The following LRIF1 variants were observed in gnomAD, a reference collection of about 807,000 sequenced individuals.
The protein encoded by LRIF1 is ligand-dependent nuclear receptor-interacting factor 1.
A neutral mutation model predicts 52.7 loss-of-function variants in LRIF1; 32 were observed. The ratio of observed to expected loss-of-function variants is 0.61; its 90% CI spans 0.46 to 0.82. The LOEUF (loss-of-function observed/expected upper bound fraction) is 0.82. Ranked by LOEUF, LRIF1 falls within the 40% of genes least tolerant of loss-of-function variation. The pLI, the probability that LRIF1 is intolerant of heterozygous loss-of-function variation, is 0.00. For missense variants in LRIF1, 887 were observed against 892.0 expected (o/e 0.99, Z 0.07); for synonymous variants, 323 against 317.4 (o/e 1.02, Z -0.19).
chr1:110,924,883 G>C, the LRIF1 span, among the ~76,000 whole-genome samples: 3 of 152,126 alleles, frequency 2.0e-5, no homozygotes, highest in African/African-American at 7.2e-5. Flanking sequence ...TTTTAGGAAT[G>C]CATTAGAAAA....
the LRIF1 span, among the ~76,000 whole-genome samples, chr1:110,902,515 A>AC: frequency 6.7e-6 from 1 of 149,490 alleles, no homozygotes; most frequent in Admixed American, 6.8e-5. Context: ...AAAAAAAAAA[A>AC]AAAAAGAAAT....
rs759921654 is a variant in LRIF1 at position 110,951,279 on chromosome 1, G to C, written c.1596+9C>G. 1 of 1,597,462 alleles carries C rather than the reference G, an allele frequency of 6.3e-7. No individual in the cohort carries two copies. The highest frequency in any genetic ancestry group is 8.5e-7 in the Non-Finnish European group (1 of 1,173,556). Reference sequence around the variant, plus strand: ...ATATAAAAAGAGCACCCTGACATGGGAAAATTACCTTTGGTTCTTGGTCTC... The same window carrying C: ...ATATAAAAAGAGCACCCTGACATGGCAAAATTACCTTTGGTTCTTGGTCTC... On this transcript the variant is annotated intron_variant, in intron 2 of 3. Coordinates refer to ENST00000369763, the MANE Select transcript of LRIF1 (RefSeq NM_018372.4).
At chr1:110,950,918 T>C (rs1214732822) in intron 2 of LRIF1, among the ~76,000 whole-genome samples, 1 of 152,224 alleles carries the variant, frequency 6.6e-6, no homozygotes, top group Non-Finnish European at 1.5e-5. Flanking sequence ...AAGGCTATTA[T>C]ATATGAACAT....
chr1:110,963,137 A>T (rs542111596), intron 1 of LRIF1, among the ~76,000 whole-genome samples: 59 of 152,346 alleles, frequency 3.9e-4, no homozygotes, highest in African/African-American at 1.3e-3. Flanking sequence ...ATTACTTGAA[A>T]TTTTAAATAT....
At chr1:110,961,363 G>A (rs1658940651) in intron 1 of LRIF1, among the ~76,000 whole-genome samples, 2 of 152,238 alleles carry the variant, frequency 1.3e-5, no homozygotes, top group Non-Finnish European at 2.9e-5. Flanking sequence ...TTGATAGTAA[G>A]TGGTAAGCTA....
intron 1 of LRIF1, among the ~76,000 whole-genome samples, chr1:110,958,915 T>G: frequency 6.6e-6 from 1 of 152,254 alleles, no homozygotes; most frequent in East Asian, 1.9e-4. Flanking sequence ...AAAATTAATC[T>G]GCAGAATGCT....
chr1:110,951,908 T>C lies in LRIF1; in HGVS notation c.976A>G (p.Asn326Asp). Residue 326 changes from asparagine to aspartate, a missense_variant, in exon 2 of 4, where the codon AAT (asparagine) becomes GAT (aspartate). By Grantham distance (23) the Asn-to-Asp change is conservative. Transcript: ENST00000369763. ...ATATTTATAGTATTATCTCCCAAAT[T>C]TTTCCTATCTACAAAAGTTTTTAAA... ...KILKTFVDRK[N>D]LGDNTINMPP... 6.2e-7 allele frequency: 1 copy of C among 1,614,066 alleles called. No individual in the cohort carries two copies.
intron 1 of LRIF1, among the ~76,000 whole-genome samples, chr1:110,957,741 G>C (rs974752905): frequency 3.3e-5 from 5 of 152,022 alleles, no homozygotes; most frequent in African/African-American, 1.2e-4. Flanking sequence ...ACATCATATA[G>C]GTTTCAAATC....
the LRIF1 span, among the ~76,000 whole-genome samples, chr1:110,931,137 C>G: frequency 2.0e-5 from 3 of 152,266 alleles, no homozygotes; most frequent in African/African-American, 7.2e-5. Context: ...CTACCCCAGC[C>G]CCCCAACCCC....
intron 1 of LRIF1, among the ~76,000 whole-genome samples, chr1:110,959,970 T>A (rs1003381855): frequency 6.6e-5 from 10 of 152,066 alleles, no homozygotes; most frequent in African/African-American, 2.4e-4. Context: ...ATCTATGACA[T>A]AACATTATAT....
At chr1:110,909,136 G>A in the LRIF1 span, among the ~76,000 whole-genome samples, 3 of 152,006 alleles carry the variant, frequency 2.0e-5, no homozygotes, top group African/African-American at 7.3e-5. Context: ...AGCTTCATAA[G>A]CAAATGAGAA....
chr1:110,883,334 T>G, the LRIF1 span, among the ~76,000 whole-genome samples: 5 of 152,140 alleles, frequency 3.3e-5, no homozygotes, highest in African/African-American at 1.2e-4. Flanking sequence ...TCTCTTTCAA[T>G]TCATTAATAT....
chr1:110,916,328 C>T, the LRIF1 span, among the ~76,000 whole-genome samples: 1 of 151,990 alleles, frequency 6.6e-6, no homozygotes, highest in Non-Finnish European at 1.5e-5. Flanking sequence ...AATTTTATTG[C>T]TGGAAAGAAG....
chr1:110,908,993 G>A, the LRIF1 span, among the ~76,000 whole-genome samples: 27 of 152,096 alleles, frequency 1.8e-4, no homozygotes, highest in East Asian at 4.8e-3. Context: ...AGAGAGAAGG[G>A]GCAGGTCATG....
At chr1:110,908,509 C>G in the LRIF1 span, among the ~76,000 whole-genome samples, 2 of 152,046 alleles carry the variant, frequency 1.3e-5, no homozygotes, top group East Asian at 3.8e-4. Flanking sequence ...TAAAATGGTT[C>G]AAGAGTTGAG....
chr1:110,880,765 G>A, the LRIF1 span, among the ~76,000 whole-genome samples: 16 of 152,288 alleles, frequency 1.1e-4, no homozygotes, highest in East Asian at 3.1e-3. Flanking sequence ...CCCTCAAGGA[G>A]CTCACATTCT....
chr1:110,956,898 A>C (rs1159673943), intron 1 of LRIF1, among the ~76,000 whole-genome samples: 1 of 152,086 alleles, frequency 6.6e-6, no homozygotes, highest in Non-Finnish European at 1.5e-5. Flanking sequence ...CTATTATTCT[A>C]CTAAAACTTC....
At chr1:110,935,490 T>C in the LRIF1 span, among the ~76,000 whole-genome samples, 1 of 152,216 alleles carries the variant, frequency 6.6e-6, no homozygotes, top group Non-Finnish European at 1.5e-5. Context: ...ACAAAGAGAT[T>C]GAAATAATTT....
At chr1:110,894,559 T>G in the LRIF1 span, among the ~76,000 whole-genome samples, 1 of 142,816 alleles carries the variant, frequency 7.0e-6, no homozygotes, top group South Asian at 2.2e-4. Context: ...GGGGGGAAAA[T>G]TTGTATGAAA....
Sources: allele counts gnomAD v4.1 joint callset (sites outside exome capture counted in the v4.1 genomes callset), GRCh38; gene constraint gnomAD v4.1.1; transcripts MANE v1.5; gene names NCBI Gene and HGNC (gene_info 2026-07-23, HGNC 2026-07-21).